Variants in PCDHGB5 observed in about 807,000 individuals in gnomAD.
The protein encoded by PCDHGB5 is protocadherin gamma-B5.
In PCDHGB5, 48 loss-of-function variants were observed where a neutral mutation model predicts 62.9. That is an observed-to-expected ratio of 0.76 (90% CI 0.61 to 0.97). PCDHGB5 has a LOEUF of 0.97. PCDHGB5 is among the 50% of genes least tolerant of loss of function. The pLI, the probability that PCDHGB5 is intolerant of heterozygous loss-of-function variation, is 0.00. For missense variants in PCDHGB5, 1,118 were observed against 1,198.6 expected (o/e 0.93, Z 0.99); for synonymous variants, 474 against 511.2 (o/e 0.93, Z 0.98).
At chr5:141,406,044 G>A (rs1473314165) in intron 1 of PCDHGB5, among the ~76,000 whole-genome samples, 1 of 151,228 alleles carries the variant, frequency 6.6e-6, no homozygotes, top group Non-Finnish European at 1.5e-5. Flanking sequence ...ATTGGTTGCA[G>A]TGGACTCATA....
chr5:141,404,890 A>G (rs745830169), intron 1 of PCDHGB5: 1 of 1,613,870 alleles, frequency 6.2e-7, no homozygotes, highest in Middle Eastern at 1.6e-4. Context: ...TGGTGGCTGT[A>G]CAGGACCATG....
chr5:141,459,444 T>C (rs1485634547), intron 1 of PCDHGB5, among the ~76,000 whole-genome samples: 1 of 152,244 alleles, frequency 6.6e-6, no homozygotes, highest in Non-Finnish European at 1.5e-5. Context: ...TTCATTCAAC[T>C]GTTGGTGGAC....
At chr5:141,419,620 G>A (rs776986192) in intron 1 of PCDHGB5, 9 of 1,612,304 alleles carry the variant, frequency 5.6e-6, no homozygotes, top group Non-Finnish European at 7.6e-6. Context: ...CAGGCTACCT[G>A]GTGACCAAGG....
At chr5:141,423,163 G>A (rs758720418) in intron 1 of PCDHGB5, 2 of 1,613,480 alleles carry the variant, frequency 1.2e-6, no homozygotes, top group South Asian at 2.2e-5. Context: ...CCTCGTGGTG[G>A]CCGTCCAGGA....
intron 1 of PCDHGB5, chr5:141,428,257 G>A: frequency 1.2e-6 from 1 of 865,864 alleles, no homozygotes; most frequent in Non-Finnish European, 1.9e-6. Context: ...AGACTTCAGT[G>A]ACAGTCCTGT....
chr5:141,431,901 A>G lies in PCDHGB5; in HGVS notation c.2397+31377A>G, dbSNP rs1373642371. 5.0e-6 allele frequency: 8 copies of G among 1,613,872 alleles called. No homozygotes were observed. The highest frequency in any genetic ancestry group is 1.6e-4 in the Middle Eastern group (1 of 6,062). On this transcript the variant is annotated intron_variant, in intron 1 of 3. Coordinates refer to ENST00000617380, the MANE Select transcript of PCDHGB5 (RefSeq NM_018925.3). This position sits in a 1 kb window ranked among gnomAD's most constrained non-coding sequence, Gnocchi z 4.8. Reference sequence around the variant, plus strand: ...GACCAAGATTCTGAGGAAAACGGACAGGTGATCTGTTTCATCCAAGGAAAT... The same window carrying G: ...GACCAAGATTCTGAGGAAAACGGACGGGTGATCTGTTTCATCCAAGGAAAT...
chr5:141,489,775 T>C lies in PCDHGB5; in HGVS notation c.2398-5032T>C, dbSNP rs748163008. The C allele has an allele frequency of 6.2e-7, 1 of 1,614,110 alleles. No homozygotes were observed. The highest frequency in any genetic ancestry group is 8.5e-7 in the Non-Finnish European group (1 of 1,179,986). Reference sequence around the variant, plus strand: ...CACTCTAAGCCCCAACAGCCACTTCTCTCTGAATGTGAAGACCCTAAAAGA... The same window carrying C: ...CACTCTAAGCCCCAACAGCCACTTCCCTCTGAATGTGAAGACCCTAAAAGA... On this transcript the variant is annotated intron_variant, in intron 1 of 3. Coordinates refer to ENST00000617380, the MANE Select transcript of PCDHGB5 (RefSeq NM_018925.3). This position sits in a 1 kb window ranked among gnomAD's most constrained non-coding sequence, Gnocchi z 4.5.
At chr5:141,405,407 C>A (rs1252757330) in intron 1 of PCDHGB5, 3 of 1,582,052 alleles carry the variant, frequency 1.9e-6, no homozygotes, top group Non-Finnish European at 2.6e-6. Flanking sequence ...TCTTTCTTTT[C>A]TTTTTTTGTT....
At chr5:141,413,877 G>GAC (rs751994783) in intron 1 of PCDHGB5, 1 of 1,613,386 alleles carries the variant, frequency 6.2e-7, no homozygotes. Flanking sequence ...TTGTCAGTGT[G>GAC]ACTGTCTTCG....
rs369323252 is a variant in PCDHGB5 at position 141,487,658 on chromosome 5, G to T, written c.2398-7149G>T. ...TCAACAAATGCTTGAGGGTTATTCT[G>T]ATCCAGGCATATGGCTAGGCCATGT... On this transcript the variant is annotated intron_variant, in intron 1 of 3. Coordinates refer to ENST00000617380, the MANE Select transcript of PCDHGB5 (RefSeq NM_018925.3). This position sits in a 1 kb window ranked among gnomAD's most constrained non-coding sequence, Gnocchi z 5.0. The T allele has an allele frequency of 8.7e-5, 140 of 1,613,508 alleles. No individual in the cohort carries two copies. The highest frequency in any genetic ancestry group is 1.1e-4 in the Non-Finnish European group (134 of 1,179,802).
At position 141,421,347 on chromosome 5, in the gene PCDHGB5, C is replaced by T. The variant is rs147068995; in HGVS notation, c.2397+20823C>T. 359 of 1,613,948 alleles carry T rather than the reference C, an allele frequency of 2.2e-4. 2 individuals carry two copies. In the East Asian group the frequency reaches 6.5e-3, roughly 29 times the overall value. On this transcript the variant is annotated intron_variant, in intron 1 of 3. Coordinates refer to ENST00000617380, the MANE Select transcript of PCDHGB5 (RefSeq NM_018925.3). ...TCCGATATTCGGTGCCAGAAGAGAC[C>T]GAAAAGGGCTCCTTCGTGGGCAATA...
At chr5:141,466,180 A>T (rs566514149) in intron 1 of PCDHGB5, among the ~76,000 whole-genome samples, 100 of 151,254 alleles carry the variant, frequency 6.6e-4, no homozygotes, top group African/African-American at 2.1e-3. Context: ...TTTTATTTTT[A>T]TTTTTTTTCA....
intron 1 of PCDHGB5, among the ~76,000 whole-genome samples, chr5:141,444,095 T>C (rs1012556994): frequency 2.0e-5 from 3 of 150,676 alleles, no homozygotes; most frequent in Admixed American, 1.3e-4. Flanking sequence ...CTGCTAAGGA[T>C]TGGAAACCAA....
At chr5:141,465,775 T>TA (rs2099108994) in intron 1 of PCDHGB5, among the ~76,000 whole-genome samples, 1 of 152,030 alleles carries the variant, frequency 6.6e-6, no homozygotes, top group African/African-American at 2.4e-5. Context: ...CATCTCTTGT[T>TA]ACAGTTTTTT....
chr5:141,404,683 GGCACCCCGCTCT>G (rs1306876302), intron 1 of PCDHGB5: 2 of 1,614,070 alleles, frequency 1.2e-6, no homozygotes, highest in Admixed American at 1.7e-5. Context: ...GTGTGGAGCT[GGCACCCCGCTCT>G]GCAGAGCCTG....
Position 141,421,726 on chromosome 5 carries a change from T to G in PCDHGB5, c.2397+21202T>G. On this transcript the variant is annotated intron_variant, in intron 1 of 3. Transcript: ENST00000617380. The stretch of plus-strand genomic sequence containing the variant: ...TAGGGATCCAGATGTGGGCGTGAAC[T>G]CCCTCCAGAGCTACCAGCTCAGCCC... 1 of 1,613,928 alleles carries G rather than the reference T, an allele frequency of 6.2e-7. No homozygotes were observed. Among genetic ancestry groups the G allele is most frequent in the Non-Finnish European group, 8.5e-7 (1 of 1,179,852 alleles).
chr5:141,491,850 T>C lies in PCDHGB5; in HGVS notation c.2398-2957T>C. ...CCCGATTCTCGGGATCATTGGACCG[T>C]TTGCGCGAAACCAGAGTGGCCGATT... On this transcript the variant is annotated intron_variant, in intron 1 of 3. Transcript: ENST00000617380. The surrounding 1 kb of genome is among the most constrained non-coding windows in gnomAD (Gnocchi z 6.9). 6.8e-7 allele frequency: 1 copy of C among 1,460,996 alleles called. No homozygotes were observed. The highest frequency in any genetic ancestry group is 2.5e-5 in the East Asian group (1 of 40,084). The allele number at this position is 1,460,996 out of a possible 1,614,324, so 90.5% of individuals were successfully genotyped here.
At chr5:141,452,411 A>G (rs965622061) in intron 1 of PCDHGB5, among the ~76,000 whole-genome samples, 8 of 152,200 alleles carry the variant, frequency 5.3e-5, no homozygotes, top group African/African-American at 1.9e-4. Context: ...GGTGTGAGGT[A>G]TGCTCACTGC....
chr5:141,414,868 G>C, intron 1 of PCDHGB5: 1 of 1,614,216 alleles, frequency 6.2e-7, no homozygotes, highest in Non-Finnish European at 8.5e-7. Flanking sequence ...CAATGCGCCC[G>C]AGATCCTGTA....
Sources: gnomAD v4.1 joint callset for allele counts (sites outside exome capture counted in the v4.1 genomes callset) on GRCh38, gnomAD v4.1.1 for gene constraint, Gnocchi (gnomAD v3.1) non-coding constraint, MANE v1.5 for transcripts, NCBI Gene and HGNC (gene_info 2026-07-23, HGNC 2026-07-21) for gene names.